The following N4BP2L2 variants were observed in gnomAD, a reference collection of about 807,000 sequenced individuals.
N4BP2L2 encodes NEDD4 binding protein 2 like 2.
A neutral mutation model predicts 56.2 loss-of-function variants in N4BP2L2; 50 were observed. The ratio of observed to expected loss-of-function variants is 0.89; its 90% CI spans 0.71 to 1.13. The LOEUF (loss-of-function observed/expected upper bound fraction) is 1.13, where lower values mean the gene tolerates loss of function less well. Among genes scored for constraint, N4BP2L2 ranks in the 50% most tolerant of loss-of-function variants. The pLI, the probability that N4BP2L2 is intolerant of heterozygous loss-of-function variation, is 0.00. For missense variants in N4BP2L2, 689 were observed against 693.8 expected (o/e 0.99, Z 0.08); for synonymous variants, 203 against 223.6 (o/e 0.91, Z 0.82).
intron 6 of N4BP2L2, among the ~76,000 whole-genome samples, chr13:32,469,686 C>T (rs1344234612): frequency 2.0e-5 from 3 of 152,248 alleles, no homozygotes; most frequent in Non-Finnish European, 4.4e-5. Context: ...GACACATTTC[C>T]TGCTCTGCCT....
intron 6 of N4BP2L2, among the ~76,000 whole-genome samples, chr13:32,460,256 G>A (rs2079790940): frequency 6.6e-6 from 1 of 152,142 alleles, no homozygotes; most frequent in South Asian, 2.1e-4. Flanking sequence ...AGACAAGGAT[G>A]CTCACCTTCA....
At chr13:32,533,206 T>C (rs1210148218) in intron 2 of N4BP2L2, among the ~76,000 whole-genome samples, 1 of 152,176 alleles carries the variant, frequency 6.6e-6, no homozygotes, top group Non-Finnish European at 1.5e-5. Context: ...AAAATTCCTT[T>C]GGGATTTTGG....
At chr13:32,532,560 G>A (rs1594106682) in intron 2 of N4BP2L2, among the ~76,000 whole-genome samples, 1 of 147,734 alleles carries the variant, frequency 6.8e-6, no homozygotes, top group South Asian at 2.2e-4. Context: ...TTATATGTAG[G>A]TTATGTTTCT....
At chr13:32,463,015 C>T (rs2080476609) in intron 6 of N4BP2L2, among the ~76,000 whole-genome samples, 1 of 151,832 alleles carries the variant, frequency 6.6e-6, no homozygotes, top group Admixed American at 6.6e-5. Flanking sequence ...TGCACTCCAA[C>T]CTGTGTGACA....
intron 3 of N4BP2L2, among the ~76,000 whole-genome samples, chr13:32,526,550 G>C (rs2052857311): frequency 6.6e-6 from 1 of 152,114 alleles, no homozygotes; most frequent in Non-Finnish European, 1.5e-5. Context: ...TGATAATTCT[G>C]GGTGATGGGT....
chr13:32,450,185 G>A lies in N4BP2L2; in HGVS notation c.366-6059C>T, dbSNP rs187977289. 2.0e-5 allele frequency among the ~76,000 whole-genome samples: 3 copies of A among 151,894 alleles called. No homozygotes were observed. The East Asian group carries it at 5.8e-4, about 29-fold the overall frequency. On this transcript the variant is annotated intron_variant, in intron 6 of 9. Coordinates refer to the N4BP2L2 transcript ENST00000357505. Reference sequence around the variant, plus strand: ...AGATTTCAAAGAATTACTAATGTACGGACCATAATATAGTTAACTTTGAAA... The same window carrying A: ...AGATTTCAAAGAATTACTAATGTACAGACCATAATATAGTTAACTTTGAAA...
chr13:32,432,646 A>G (rs1376304461), exon 10 of N4BP2L2: 2 of 152,192 alleles, frequency 1.3e-5, no homozygotes, highest in African/African-American at 4.8e-5. Flanking sequence ...TCTCAGACCA[A>G]TACTTGGATA....
intron 6 of N4BP2L2, chr13:32,504,481 T>C (rs1213218407): frequency 6.6e-6 from 1 of 152,230 alleles, no homozygotes; most frequent in Non-Finnish European, 1.5e-5. Context: ...TTAGGGCTCA[T>C]ATGTATAACG....
intron 8 of N4BP2L2, among the ~76,000 whole-genome samples, chr13:32,436,604 A>G (rs1008899651): frequency 9.9e-5 from 15 of 152,036 alleles, no homozygotes; most frequent in Non-Finnish European, 2.2e-4. Flanking sequence ...AGCGTGGCCA[A>G]CATGGCAAAA....
intron 8 of N4BP2L2, among the ~76,000 whole-genome samples, chr13:32,436,837 A>AAGAC (rs1358388760): frequency 6.9e-6 from 1 of 145,940 alleles, no homozygotes; most frequent in Non-Finnish European, 1.5e-5. Flanking sequence ...GAAAGAAAGA[A>AAGAC]AACACCTATA....
chr13:32,522,112 GC>G, intron 4 of N4BP2L2, 69 bp downstream of exon 4: 1 of 1,024,982 alleles, frequency 9.8e-7, no homozygotes, highest in South Asian at 1.5e-5. Flanking sequence ...GATCCAACCA[GC>G]CAAAATTTTA....
Position 32,441,706 on chromosome 13 carries a change from A to C in N4BP2L2, c.2104+682T>G, listed in dbSNP as rs1378220526. On this transcript the variant is annotated intron_variant, in intron 7 of 9. Transcript: ENST00000357505. ...TCTCAAAAACATAAATAAATAAATA[A>C]ATAAATAAATAAATAAATAAATAAA... Among the ~76,000 whole-genome samples the C allele has an allele frequency of 3.8e-5, 5 of 132,622 alleles. No individual in the cohort carries two copies. In the East Asian group the frequency reaches 1.0e-3, roughly 27 times the overall value. The allele number at this position is 132,622 out of a possible 152,430, so 87.0% of individuals were successfully genotyped here. A position where few individuals can be genotyped will look rare whatever the true frequency, so the allele number is the denominator to read the frequency against.
intron 6 of N4BP2L2, among the ~76,000 whole-genome samples, chr13:32,488,585 AATT>A (rs1277405554): frequency 2.0e-5 from 3 of 152,208 alleles, no homozygotes; most frequent in African/African-American, 7.2e-5. Context: ...TTAAATTATA[AATT>A]ATCATCCCAC....
chr13:32,451,052 T>C (rs2077927236), intron 6 of N4BP2L2, among the ~76,000 whole-genome samples: 1 of 149,238 alleles, frequency 6.7e-6, no homozygotes, highest in African/African-American at 2.6e-5. Context: ...TGCATAAACA[T>C]TCACATTAAA....
chr13:32,506,943 CAG>C (rs34543923), downstream of N4BP2L2: 40,059 of 151,176 alleles, frequency 0.26, 6,601 homozygotes, highest in Non-Finnish European at 0.37. Flanking sequence ...ATCACTCTGA[CAG>C]AGAGAGGGCA....
chr13:32,492,126 C>T (rs554411447), intron 6 of N4BP2L2, among the ~76,000 whole-genome samples: 3 of 152,190 alleles, frequency 2.0e-5, no homozygotes, highest in Middle Eastern at 3.4e-3. Context: ...TGTTATATTA[C>T]GTAACTTGTT....
intron 2 of N4BP2L2, among the ~76,000 whole-genome samples, chr13:32,531,949 T>A (rs960382958): frequency 1.6e-4 from 24 of 152,188 alleles, no homozygotes; most frequent in Non-Finnish European, 2.9e-5. Context: ...GGATGTTCCA[T>A]CATCTTCAAA....
intron 6 of N4BP2L2, among the ~76,000 whole-genome samples, chr13:32,444,934 TAGTA>T (rs2076808873): frequency 6.6e-6 from 1 of 152,162 alleles, no homozygotes; most frequent in Admixed American, 6.5e-5. Context: ...TATAAAACAT[TAGTA>T]AGTATTTGTG....
chr13:32,511,895 C>G (rs1248232478), exon 6 of N4BP2L2: 4 of 151,982 alleles, frequency 2.6e-5, no homozygotes, highest in African/African-American at 9.7e-5. Context: ...ACAATCCCTT[C>G]CTGAGTAAAT....
Sources: gnomAD v4.1 joint callset for allele counts (sites outside exome capture counted in the v4.1 genomes callset) on GRCh38, gnomAD v4.1.1 for gene constraint, MANE v1.5 for transcripts, NCBI Gene and HGNC (gene_info 2026-07-23, HGNC 2026-07-21) for gene names.